The following KANSL1 variants were observed in gnomAD, a reference collection of about 807,000 sequenced individuals.
The protein encoded by KANSL1 is MLL1/MLL complex subunit KANSL1.
A neutral mutation model predicts 103.6 loss-of-function variants in KANSL1; 22 were observed. That is an observed-to-expected ratio of 0.21 (90% CI 0.15 to 0.30). The LOEUF is 0.30. KANSL1 is among the 10% of genes least tolerant of loss of function. The pLI is 1.00. For missense variants in KANSL1, 1,337 were observed against 1,399.8 expected, an observed-to-expected ratio of 0.96 and a Z score of 0.72; for synonymous variants, 600 against 527.6, an observed-to-expected ratio of 1.14 and a Z score of -1.88.
intron 1 of KANSL1, among the ~76,000 whole-genome samples, chr17:46,210,100 A>G (rs144955069): frequency 0.016 from 2,425 of 152,336 alleles, 66 homozygotes; most frequent in African/African-American, 0.052. Context: ...ATCAGCATGA[A>G]TAACCTTCTG....
intron 2 of KANSL1, among the ~76,000 whole-genome samples, chr17:46,131,054 A>G (rs1349793659): frequency 6.6e-6 from 1 of 152,224 alleles, no homozygotes; most frequent in Non-Finnish European, 1.5e-5. Context: ...CCTGGTTTTC[A>G]AGCACAAGCT....
rs1311408551 is a variant in KANSL1 at position 46,146,676 on chromosome 17, A to T, written c.1289+24179T>A. Among the ~76,000 whole-genome samples the T allele has an allele frequency of 2.8e-5, 4 of 144,358 alleles. No homozygotes were observed. The East Asian group carries it at 7.7e-4, about 28-fold the overall frequency. The allele number at this position is 144,358 out of a possible 152,430, so 94.7% of individuals were successfully genotyped here. A position where few individuals can be genotyped will look rare whatever the true frequency, so the allele number is the denominator to read the frequency against. ...GTGAAACCCCGTCTCTACTAAAAAT[A>T]CAAAAAATTAGCCGGGCGTAGTGGC... On this transcript the variant is annotated intron_variant, in intron 2 of 14. Transcript: ENST00000432791.
chr17:46,139,074 A>G (rs981633651), intron 2 of KANSL1, among the ~76,000 whole-genome samples: 4 of 152,242 alleles, frequency 2.6e-5, no homozygotes, highest in African/African-American at 9.6e-5. Flanking sequence ...AATTCATTAA[A>G]AAGGAAGGCA....
intron 1 of KANSL1, among the ~76,000 whole-genome samples, chr17:46,175,310 CTGTGTGTGTGTG>C (rs71138529): frequency 0.024 from 3,276 of 137,552 alleles, 88 homozygotes; most frequent in African/African-American, 0.068. Flanking sequence ...TGTCTTATTG[CTGTGTGTGTGTG>C]TGTGTGTGTG....
intron 1 of KANSL1, among the ~76,000 whole-genome samples, chr17:46,220,850 G>A (rs2048511359): frequency 6.6e-6 from 1 of 151,988 alleles, no homozygotes. Flanking sequence ...CCATGCCCCA[G>A]CTAGTTTTTA....
At chr17:46,153,609 G>T (rs906499455) in intron 2 of KANSL1, among the ~76,000 whole-genome samples, 2 of 152,204 alleles carry the variant, frequency 1.3e-5, no homozygotes, top group Non-Finnish European at 2.9e-5. Context: ...ACATGGAAGG[G>T]CTGGCTACTT....
At chr17:46,200,809 T>C (rs1026660085) in intron 1 of KANSL1, among the ~76,000 whole-genome samples, 2 of 152,094 alleles carry the variant, frequency 1.3e-5, no homozygotes, top group Non-Finnish European at 1.5e-5. Context: ...ATGCAACTTG[T>C]AAAATCTTGT....
intron 1 of KANSL1, among the ~76,000 whole-genome samples, chr17:46,215,866 C>A (rs2048324026): frequency 7.3e-6 from 1 of 136,446 alleles, no homozygotes; most frequent in Non-Finnish European, 1.5e-5. Flanking sequence ...CATGGTGAAA[C>A]CCCATCTCTA....
At chr17:46,138,354 T>C (rs950377466) in intron 2 of KANSL1, among the ~76,000 whole-genome samples, 1 of 152,260 alleles carries the variant, frequency 6.6e-6, no homozygotes, top group Non-Finnish European at 1.5e-5. Context: ...AGACTTTTTC[T>C]TCTCATTATT....
In KANSL1 at chr17:46,075,364, A is replaced by G. The variant is rs114330546; in HGVS notation, c.1533+7077T>C. On this transcript the variant is annotated intron_variant, in intron 4 of 14. Coordinates refer to ENST00000432791, the MANE Select transcript of KANSL1 (RefSeq NM_015443.4). ...CACACTCTCTCTTTCTTTCTGACACAATCTCGCTGTTGACCAGGCTGGAAT... is the reference window on the plus strand; with the variant it reads ...CACACTCTCTCTTTCTTTCTGACACGATCTCGCTGTTGACCAGGCTGGAAT... Among the ~76,000 whole-genome samples, 876 of 147,394 alleles carry G rather than the reference A, an allele frequency of 5.9e-3. 10 individuals are homozygous for G. Among genetic ancestry groups the G allele is most frequent in the African/African-American group, 0.02 (822 of 41,318 alleles).
intron 2 of KANSL1, chr17:46,152,969 G>C (rs1374311341): frequency 2.0e-5 from 3 of 152,090 alleles, no homozygotes; most frequent in Non-Finnish European, 4.4e-5. Flanking sequence ...GGAGATACCT[G>C]CTGACACAGA....
At chr17:46,092,764 A>C (rs1195414438) in intron 3 of KANSL1, 2 of 90,106 alleles carry the variant, frequency 2.2e-5, no homozygotes, top group African/African-American at 7.1e-5. Flanking sequence ...ATGTCATTTC[A>C]GTTTCCTGAG....
At chr17:46,215,754 A>T (rs1303043643) in intron 1 of KANSL1, among the ~76,000 whole-genome samples, 2 of 152,172 alleles carry the variant, frequency 1.3e-5, no homozygotes, top group Non-Finnish European at 2.9e-5. Flanking sequence ...AAATGCCCAT[A>T]AGATGGCCAG....
At chr17:46,077,371 T>C (rs1427719015) in intron 4 of KANSL1, among the ~76,000 whole-genome samples, 1 of 151,962 alleles carries the variant, frequency 6.6e-6, no homozygotes, top group East Asian at 1.9e-4. Context: ...TTTTAGGATA[T>C]ATTTTTTTCC....
chr17:46,084,381 CCAACAACAACAA>C (rs74515016), intron 3 of KANSL1, among the ~76,000 whole-genome samples: 1 of 151,218 alleles, frequency 6.6e-6, no homozygotes, highest in Non-Finnish European at 1.5e-5. Context: ...GGCTCTATCT[CCAACAACAACAA>C]CAACAACAAC....
At chr17:46,163,568 C>T (rs953751920) in intron 2 of KANSL1, among the ~76,000 whole-genome samples, 1 of 152,188 alleles carries the variant, frequency 6.6e-6, no homozygotes, top group Non-Finnish European at 1.5e-5. Flanking sequence ...GTAAGGAATA[C>T]AGAAACCTTC....
In KANSL1 at chr17:46,171,587, G is replaced by A. The variant is rs535224667; in HGVS notation, c.557C>T (p.Ser186Phe). The A allele has an allele frequency of 6.3e-7, 1 of 1,594,100 alleles. No individual in the cohort carries two copies. Among genetic ancestry groups the A allele is most frequent in the Non-Finnish European group, 8.5e-7 (1 of 1,172,154 alleles). The change falls in exon 2 of 15, where the codon TCT (serine) becomes TTT (phenylalanine). Residue 186 changes from serine (S) to phenylalanine (F), a missense_variant. By Grantham distance (155) the Ser-to-Phe change is radical. Around this residue, in one of 2 missense-constraint regions of KANSL1, gnomAD observed 557 missense variants for 476.4 expected, o/e 1.17. Transcript: ENST00000432791. ...TCCCATTTCACCCCCATGAAGAGCA[G>A]ATGAAGTGAGAGCCCGTTTTCCCCC... Reference protein sequence around the residue: ...LNGGKRALTSSALHGGEMGGS... With the variant: ...LNGGKRALTSFALHGGEMGGS...
chr17:46,093,500 T>C (rs2079496982), intron 3 of KANSL1: 1 of 152,596 alleles, frequency 6.6e-6, no homozygotes, highest in African/African-American at 2.4e-5. Context: ...TATATATATA[T>C]GTATCTCCAA....
chr17:46,101,365 C>A (rs2042305810), intron 2 of KANSL1, among the ~76,000 whole-genome samples: 1 of 152,198 alleles, frequency 6.6e-6, no homozygotes, highest in Non-Finnish European at 1.5e-5. Flanking sequence ...TTGACCTCTG[C>A]AAATAAGAAC....
Sources: gnomAD v4.1 joint callset for allele counts (sites outside exome capture counted in the v4.1 genomes callset) on GRCh38, gnomAD v4.1.1 for gene constraint, gnomAD v4.1.1 regional missense constraint, MANE v1.5 for transcripts, NCBI Gene and HGNC (gene_info 2026-07-23, HGNC 2026-07-21) for gene names.